PKHD1: variants seen among roughly 807,000 people sequenced by gnomAD.
The protein encoded by PKHD1 is fibrocystin.
Under a neutral mutation model 412.0 loss-of-function variants are expected in PKHD1, and 291 were observed. That is an observed-to-expected ratio of 0.71 (90% CI 0.64 to 0.78). PKHD1 has a LOEUF of 0.78. Among genes scored for constraint, PKHD1 ranks in the 30% least tolerant of loss-of-function variants. The probability of loss-of-function intolerance (pLI) is 0.00; values close to 1 mark genes in which losing one functional copy is unlikely to be tolerated. For missense variants in PKHD1, 4,825 were observed against 4,950.7 expected, an observed-to-expected ratio of 0.97 and a Z score of 0.76; for synonymous variants, 1,777 against 1,821.5, an observed-to-expected ratio of 0.98 and a Z score of 0.62.
At chr6:51,925,461 G>A (rs3062529) in intron 37 of PKHD1, among the ~76,000 whole-genome samples, 54 of 105,440 alleles carry the variant, frequency 5.1e-4, no homozygotes, top group East Asian at 2.3e-3. Context: ...GTGTATGTGT[G>A]TGTGTGTGTG....
intron 52 of PKHD1, among the ~76,000 whole-genome samples, chr6:51,811,725 T>C (rs1764713037): frequency 1.3e-5 from 2 of 152,280 alleles, no homozygotes; most frequent in Admixed American, 6.5e-5. Flanking sequence ...ACGCTAAGGA[T>C]AGAAACTGAT....
chr6:52,064,679 C>T (rs146851546), intron 13 of PKHD1, among the ~76,000 whole-genome samples: 12 of 151,954 alleles, frequency 7.9e-5, no homozygotes, highest in African/African-American at 2.9e-4. Context: ...ATAACAATAT[C>T]TTGAGGGCAG....
intron 34 of PKHD1, 22 bp downstream of exon 34, chr6:52,017,387 AG>A (rs1562139891): frequency 6.6e-7 from 1 of 1,514,164 alleles, no homozygotes; most frequent in Non-Finnish European, 9.2e-7. Flanking sequence ...GGGGAAGTTC[AG>A]GGAGGGAGAA....
intron 36 of PKHD1, among the ~76,000 whole-genome samples, chr6:51,953,142 G>A (rs1790605404): frequency 6.6e-6 from 1 of 152,058 alleles, no homozygotes; most frequent in Admixed American, 6.6e-5. Flanking sequence ...CTGGCTTGAA[G>A]GGTAGCTACG....
intron 60 of PKHD1, among the ~76,000 whole-genome samples, chr6:51,741,422 G>T (rs2150947883): frequency 6.6e-6 from 1 of 151,374 alleles, no homozygotes; most frequent in African/African-American, 2.4e-5. Flanking sequence ...GAGAGTTTTT[G>T]GTGGCCTCAA....
intron 24 of PKHD1, 91 bp downstream of exon 24, chr6:52,045,913 A>C: frequency 2.3e-6 from 2 of 876,532 alleles, no homozygotes; most frequent in Non-Finnish European, 3.8e-6. Flanking sequence ...ATAATTCATG[A>C]CAGTTTCCAT....
At chr6:51,901,521 G>A (rs1583283817) in intron 43 of PKHD1, among the ~76,000 whole-genome samples, 2 of 152,046 alleles carry the variant, frequency 1.3e-5, no homozygotes, top group African/African-American at 4.8e-5. Context: ...GGACTGTTGT[G>A]GGGTGGGGGG....
chr6:51,981,570 C>T (rs1795302196), intron 35 of PKHD1, among the ~76,000 whole-genome samples: 1 of 148,810 alleles, frequency 6.7e-6, no homozygotes, highest in Non-Finnish European at 1.5e-5. Flanking sequence ...CCGCCAGCCT[C>T]GGCCTCCCGG....
chr6:51,882,468 T>C (rs562580491), intron 46 of PKHD1, among the ~76,000 whole-genome samples: 27 of 152,336 alleles, frequency 1.8e-4, no homozygotes, highest in African/African-American at 6.0e-4. Flanking sequence ...AACTAAGCAC[T>C]CAGGAACAAA....
At chr6:51,637,721 T>C (rs1266902358) in intron 64 of PKHD1, among the ~76,000 whole-genome samples, 1 of 151,872 alleles carries the variant, frequency 6.6e-6, no homozygotes, top group Non-Finnish European at 1.5e-5. Context: ...CTGGCCAACA[T>C]GGTGAAACCT....
chr6:52,084,761 A>T, intron 2 of PKHD1, 121 bp downstream of exon 2: 1 of 768,792 alleles, frequency 1.3e-6, no homozygotes. Context: ...TTTGATTGGC[A>T]AGTTAAAAAT....
chr6:51,856,529 T>A (rs1484274048), intron 48 of PKHD1, among the ~76,000 whole-genome samples: 1 of 152,174 alleles, frequency 6.6e-6, no homozygotes. Context: ...ACCAGATTTA[T>A]CAACAGCAAA....
At chr6:51,882,619 C>T (rs547655389) in intron 46 of PKHD1, among the ~76,000 whole-genome samples, 1 of 152,156 alleles carries the variant, frequency 6.6e-6, no homozygotes, top group Admixed American at 6.5e-5. Flanking sequence ...CCAATGGCAG[C>T]CAGGAACCCC....
chr6:52,011,759 T>C (rs1191014525), intron 34 of PKHD1, among the ~76,000 whole-genome samples: 2 of 152,226 alleles, frequency 1.3e-5, no homozygotes, highest in African/African-American at 4.8e-5. Flanking sequence ...GCTAAAATAT[T>C]CTCCACTCTG....
chr6:51,985,564 A>G (rs2128050308), intron 35 of PKHD1, among the ~76,000 whole-genome samples: 1 of 152,270 alleles, frequency 6.6e-6, no homozygotes, highest in East Asian at 1.9e-4. Flanking sequence ...CCCTGTCTGT[A>G]CTAAAAATGC....
At chr6:51,870,839 A>G (rs1424771521) in intron 46 of PKHD1, among the ~76,000 whole-genome samples, 200 bp from the exon 47 acceptor site, 1 of 152,128 alleles carries the variant, frequency 6.6e-6, no homozygotes, top group Non-Finnish European at 1.5e-5. Context: ...AAGAAAATAG[A>G]CAACGCAATT....
chr6:52,034,530 C>T (rs963832889), intron 28 of PKHD1, among the ~76,000 whole-genome samples: 1 of 151,908 alleles, frequency 6.6e-6, no homozygotes, highest in African/African-American at 2.4e-5. Flanking sequence ...AAGTGATAAC[C>T]CAGTATTGGC....
chr6:52,078,397 T>A (rs778063099), intron 5 of PKHD1, among the ~76,000 whole-genome samples: 6 of 152,144 alleles, frequency 3.9e-5, no homozygotes, highest in Non-Finnish European at 8.8e-5. Flanking sequence ...CAGATTAGGA[T>A]GAGAAAGCTG....
At chr6:52,014,700 A>AGATGGATGGATGGATG (rs55925667) in intron 34 of PKHD1, among the ~76,000 whole-genome samples, 4 of 80,766 alleles carry the variant, frequency 5.0e-5, no homozygotes, top group African/African-American at 1.8e-4. Context: ...TATACTGGAT[A>AGATGGATGGATGGATG]GATGGATGGA....
Sources: allele counts gnomAD v4.1 joint callset (sites outside exome capture counted in the v4.1 genomes callset), GRCh38; gene constraint gnomAD v4.1.1; transcripts MANE v1.5; gene names NCBI Gene and HGNC (gene_info 2026-07-23, HGNC 2026-07-21).